MARCHF1: variants seen among roughly 807,000 people sequenced by gnomAD.
MARCHF1 encodes the protein E3 ubiquitin-protein ligase MARCHF1.
In MARCHF1, 40 loss-of-function variants were observed where a neutral mutation model predicts 54.2. The ratio of observed to expected loss-of-function variants is 0.74; its 90% CI spans 0.57 to 0.96. The LOEUF (loss-of-function observed/expected upper bound fraction) is 0.96, where lower values mean the gene tolerates loss of function less well. MARCHF1 is among the 40% of genes least tolerant of loss of function. The pLI is 0.00. For missense variants in MARCHF1, 586 were observed against 656.5 expected (o/e 0.89, Z 1.17); for synonymous variants, 236 against 236.3 (o/e 1.00, Z 0.01).
intron 1 of MARCHF1, among the ~76,000 whole-genome samples, chr4:164,317,461 TG>T (rs1362343691): frequency 1.3e-5 from 2 of 152,194 alleles, no homozygotes; most frequent in African/African-American, 4.8e-5. Context: ...CGGTCTGTGC[TG>T]GTGCCTACAC....
chr4:164,205,666 A>G (rs56033402), intron 1 of MARCHF1, among the ~76,000 whole-genome samples: 4,362 of 152,250 alleles, frequency 0.029, 78 homozygotes, highest in Non-Finnish European at 0.038. Context: ...ACTTGCTAGA[A>G]ATTTGAAATA....
chr4:163,768,077 C>A (rs910698883), intron 4 of MARCHF1, among the ~76,000 whole-genome samples: 1 of 152,084 alleles, frequency 6.6e-6, no homozygotes, highest in African/African-American at 2.4e-5. Flanking sequence ...GACCTGCCGT[C>A]TTTGTTAAAA....
intron 4 of MARCHF1, among the ~76,000 whole-genome samples, chr4:163,775,533 G>A (rs1466500235): frequency 2.6e-5 from 4 of 152,046 alleles, no homozygotes; most frequent in African/African-American, 4.8e-5. Flanking sequence ...TGCATTGTGC[G>A]ACTGGGTCCT....
intron 2 of MARCHF1, among the ~76,000 whole-genome samples, chr4:164,035,054 C>T (rs566137954): frequency 2.7e-4 from 41 of 152,016 alleles, no homozygotes; most frequent in Non-Finnish European, 4.7e-4. Flanking sequence ...AGAGAAAATG[C>T]CTCTAATATC....
At chr4:163,833,119 C>T (rs1441504687) in intron 4 of MARCHF1, among the ~76,000 whole-genome samples, 1 of 152,056 alleles carries the variant, frequency 6.6e-6, no homozygotes, top group East Asian at 1.9e-4. Flanking sequence ...AATGAGATGG[C>T]TGGGTCAAAT....
intron 2 of MARCHF1, among the ~76,000 whole-genome samples, chr4:164,067,521 C>T (rs1459134042): frequency 6.6e-6 from 1 of 152,146 alleles, no homozygotes; most frequent in Admixed American, 6.6e-5. Flanking sequence ...AGATAACTGG[C>T]TAGCCATATG....
chr4:164,066,045 C>T lies in MARCHF1; in HGVS notation c.-248+45543G>A, dbSNP rs150706261. Among the ~76,000 whole-genome samples, 79 of 152,252 alleles carry T rather than the reference C, an allele frequency of 5.2e-4. No individual in the cohort carries two copies. In the East Asian group the frequency reaches 0.015, roughly 29 times the overall value. On this transcript the variant is annotated intron_variant, in intron 2 of 9. Coordinates refer to ENST00000514618, the MANE Select transcript of MARCHF1 (RefSeq NM_001394959.1). ...CTCTGGAAACACCCTCACAGACACACCCAGAAACAATACTTTACCAGCTAT... is the reference window on the plus strand; with the variant it reads ...CTCTGGAAACACCCTCACAGACACATCCAGAAACAATACTTTACCAGCTAT...
chr4:163,733,834 TAAA>T (rs1745953261), intron 4 of MARCHF1, among the ~76,000 whole-genome samples: 1 of 152,118 alleles, frequency 6.6e-6, no homozygotes, highest in Non-Finnish European at 1.5e-5. Context: ...TTTATCAAAA[TAAA>T]GAACTGATCT....
At chr4:163,640,409 CA>C (rs1560992097) in intron 5 of MARCHF1, among the ~76,000 whole-genome samples, 1 of 152,084 alleles carries the variant, frequency 6.6e-6, no homozygotes, top group Admixed American at 6.6e-5. Context: ...AAGATTCTAT[CA>C]AAAATGTGAG....
chr4:163,923,914 CT>C (rs35599188), intron 3 of MARCHF1, among the ~76,000 whole-genome samples: 1 of 151,528 alleles, frequency 6.6e-6, no homozygotes, highest in African/African-American at 2.4e-5. Flanking sequence ...TAAATGGATA[CT>C]TTATTTTTAA....
intron 1 of MARCHF1, among the ~76,000 whole-genome samples, chr4:164,314,174 TGAC>T (rs2111439951): frequency 6.6e-6 from 1 of 152,374 alleles, no homozygotes; most frequent in South Asian, 2.1e-4. Flanking sequence ...TCTTTCATCA[TGAC>T]TTCTGTAAAG....
At chr4:164,099,777 C>A (rs1249867491) in intron 2 of MARCHF1, among the ~76,000 whole-genome samples, 1 of 151,794 alleles carries the variant, frequency 6.6e-6, no homozygotes, top group East Asian at 1.9e-4. Flanking sequence ...TCTCTGAGGT[C>A]ATAATATCAA....
At chr4:164,015,426 C>T (rs1753516368) in intron 2 of MARCHF1, among the ~76,000 whole-genome samples, 1 of 152,034 alleles carries the variant, frequency 6.6e-6, no homozygotes, top group African/African-American at 2.4e-5. Flanking sequence ...CTTAAAAACA[C>T]AGCCAACTAA....
intron 9 of MARCHF1, among the ~76,000 whole-genome samples, chr4:163,536,483 G>A (rs151132596): frequency 1.3e-5 from 2 of 151,960 alleles, no homozygotes; most frequent in Admixed American, 6.6e-5. Flanking sequence ...TTATTTCTCC[G>A]TGTGCAGTAT....
intron 1 of MARCHF1, among the ~76,000 whole-genome samples, chr4:164,299,163 C>A (rs1025634367): frequency 5.3e-5 from 8 of 152,028 alleles, no homozygotes; most frequent in African/African-American, 1.7e-4. Flanking sequence ...TTATCAGGTG[C>A]CCACTATGTT....
intron 2 of MARCHF1, among the ~76,000 whole-genome samples, chr4:164,068,416 C>T (rs1015863963): frequency 1.5e-4 from 23 of 152,104 alleles, no homozygotes; most frequent in African/African-American, 4.1e-4. Context: ...GGGTGGGAAC[C>T]GGGGCTGTGT....
intron 5 of MARCHF1, among the ~76,000 whole-genome samples, chr4:163,650,331 A>G (rs1343600659): frequency 6.6e-6 from 1 of 152,018 alleles, no homozygotes; most frequent in Non-Finnish European, 1.5e-5. Context: ...TATTTATACA[A>G]TGAAAAATAC....
intron 5 of MARCHF1, among the ~76,000 whole-genome samples, chr4:163,679,616 CT>C (rs553157232): frequency 1.1e-3 from 163 of 144,026 alleles, no homozygotes; most frequent in Admixed American, 1.0e-3. Context: ...ATCTCCAATT[CT>C]TTTTTTTTTT....
At chr4:164,358,061 C>G (rs1020955634) in intron 1 of MARCHF1, among the ~76,000 whole-genome samples, 3 of 152,052 alleles carry the variant, frequency 2.0e-5, no homozygotes, top group Non-Finnish European at 2.9e-5. Flanking sequence ...CAAGATGAAT[C>G]ACTCTTGAGG....
Sources: gnomAD v4.1 joint callset for allele counts (sites outside exome capture counted in the v4.1 genomes callset) on GRCh38, gnomAD v4.1.1 for gene constraint, MANE v1.5 for transcripts, NCBI Gene and HGNC (gene_info 2026-07-23, HGNC 2026-07-21) for gene names.